BACH2: variants seen among roughly 807,000 people sequenced by gnomAD.
BACH2 encodes the protein BACH transcriptional regulator 2, also known as transcription regulator protein BACH2.
In BACH2, 5 loss-of-function variants were observed where a neutral mutation model predicts 61.8. The ratio of observed to expected loss-of-function variants is 0.08; its 90% CI spans 0.04 to 0.17. The LOEUF is 0.17. BACH2 is among the 10% of genes least tolerant of loss of function. BACH2 has a pLI of 1.00. For missense variants in BACH2, 824 were observed against 1,091.1 expected, an observed-to-expected ratio of 0.76 and a Z score of 3.45; for synonymous variants, 446 against 440.1, an observed-to-expected ratio of 1.01 and a Z score of -0.17.
chr6:90,073,884 T>C (rs1450400161), intron 5 of BACH2, among the ~76,000 whole-genome samples: 1 of 152,160 alleles, frequency 6.6e-6, no homozygotes, highest in Admixed American at 6.5e-5. Flanking sequence ...TGAATCTAAG[T>C]GATTTAAAGG....
chr6:90,197,646 C>T (rs891022295), intron 4 of BACH2, among the ~76,000 whole-genome samples: 29 of 152,080 alleles, frequency 1.9e-4, no homozygotes, highest in Non-Finnish European at 1.5e-5. Flanking sequence ...TTTGAGTATC[C>T]AAAGGGCCTC....
chr6:89,981,187 A>G (rs915830982), intron 6 of BACH2, among the ~76,000 whole-genome samples: 2 of 150,618 alleles, frequency 1.3e-5, no homozygotes, highest in African/African-American at 4.9e-5. Context: ...GCTGGAGTGC[A>G]GTGGCGTGAT....
At chr6:90,126,377 GCTCT>G (rs1783851119) in intron 4 of BACH2, among the ~76,000 whole-genome samples, 1 of 152,210 alleles carries the variant, frequency 6.6e-6, no homozygotes, top group Non-Finnish European at 1.5e-5. Flanking sequence ...TGTCAACAAT[GCTCT>G]CAGTGCTACT....
In BACH2 at chr6:89,950,483, A is replaced by G; in HGVS notation, c.1623T>C (p.Pro541=). ...DGSGGSPCSL[P]LCEFSSSPCS... is the part of the protein sequence containing the mutation. ...AGGGCGAGGAGGAGAACTCACAGAG[A>G]GGGAGGCTGCAGGGTGAGCCCCCGC... is the stretch of plus-strand genomic sequence containing the variant. Residue 541 remains proline (P), a synonymous_variant, in exon 7 of 9, where the codon CCT becomes CCC. Transcript: ENST00000257749. The surrounding 1 kb of genome is among the most constrained non-coding windows in gnomAD (Gnocchi z 5.3). 1 of 1,614,096 alleles carries G rather than the reference A, an allele frequency of 6.2e-7. No individual in the cohort carries two copies. Among genetic ancestry groups the G allele is most frequent in the South Asian group, 1.1e-5 (1 of 91,080 alleles).
At chr6:90,221,573 CTTAAGA>C (rs1769735508) in intron 3 of BACH2, among the ~76,000 whole-genome samples, 1 of 152,144 alleles carries the variant, frequency 6.6e-6, no homozygotes, top group Non-Finnish European at 1.5e-5. Flanking sequence ...GAGGAGTCTA[CTTAAGA>C]CGACACCTAA....
intron 1 of BACH2, among the ~76,000 whole-genome samples, chr6:90,286,379 T>C (rs1367201833): frequency 6.6e-6 from 1 of 152,224 alleles, no homozygotes; most frequent in African/African-American, 2.4e-5. Flanking sequence ...CATTCATCTA[T>C]GTTCTCTCGT....
At chr6:89,972,512 T>C (rs965919458) in intron 6 of BACH2, among the ~76,000 whole-genome samples, 3 of 152,146 alleles carry the variant, frequency 2.0e-5, no homozygotes, top group Non-Finnish European at 4.4e-5. Flanking sequence ...CAAGGTATCT[T>C]TGGAAGCTAT....
chr6:90,261,381 A>T (rs1771151737), intron 2 of BACH2, among the ~76,000 whole-genome samples: 1 of 152,106 alleles, frequency 6.6e-6, no homozygotes, highest in African/African-American at 2.4e-5. Context: ...AAAGAATATT[A>T]AAAAAATGTT....
At chr6:90,072,886 T>TA (rs964379582) in intron 5 of BACH2, among the ~76,000 whole-genome samples, 11 of 151,946 alleles carry the variant, frequency 7.2e-5, no homozygotes, top group African/African-American at 2.2e-4. Context: ...CTTGTCCTTC[T>TA]AAAAAAAACC....
At chr6:90,180,982 C>T (rs1477589554) in intron 4 of BACH2, among the ~76,000 whole-genome samples, 1 of 152,152 alleles carries the variant, frequency 6.6e-6, no homozygotes, top group African/African-American at 2.4e-5. Context: ...AATAAACATA[C>T]ACCTGCAGGT....
At chr6:89,989,944 GGAAGA>G (rs1776453686) in intron 6 of BACH2, among the ~76,000 whole-genome samples, 1 of 152,120 alleles carries the variant, frequency 6.6e-6, no homozygotes, top group Non-Finnish European at 1.5e-5. Flanking sequence ...GGGCATAGAA[GGAAGA>G]GAAATTTGGC....
intron 5 of BACH2, among the ~76,000 whole-genome samples, chr6:90,052,082 G>A (rs566451607): frequency 1.3e-5 from 2 of 152,252 alleles, no homozygotes; most frequent in East Asian, 3.9e-4. Context: ...TTGGAAATCT[G>A]TTGAGACTTG....
chr6:89,951,679 A>G lies in BACH2; in HGVS notation c.427T>C (p.Cys143Arg), dbSNP rs770539643. The change falls in exon 7 of 9, where the codon TGC becomes CGC. Residue 143 changes from cysteine to arginine, a missense_variant. Cys to Arg is a radical substitution (Grantham distance 180). Around this residue, in one of 8 missense-constraint regions of BACH2, gnomAD observed 107 missense variants for 121.7 expected, o/e 0.88. Transcript: ENST00000257749. This position sits in a 1 kb window ranked among gnomAD's most constrained non-coding sequence, Gnocchi z 6.4. ...LLNSEDGLFV[C>R]RKDAACQRPH... ...CGCTGGCACGCAGCATCCTTCCGGC[A>G]CACAAACAGGCCATCCTCACTGTTC... 6.2e-7 allele frequency: 1 copy of G among 1,614,188 alleles called. No homozygotes were observed. Among genetic ancestry groups the G allele is most frequent in the Non-Finnish European group, 8.5e-7 (1 of 1,180,034 alleles).
chr6:90,113,025 T>C (rs1783241546), intron 4 of BACH2, among the ~76,000 whole-genome samples: 4 of 152,170 alleles, frequency 2.6e-5, no homozygotes, highest in Admixed American at 2.0e-4. Context: ...TACATAATGG[T>C]AAAATGTTCA....
intron 4 of BACH2, among the ~76,000 whole-genome samples, chr6:90,148,249 C>T (rs1390165847): frequency 6.6e-6 from 1 of 152,106 alleles, no homozygotes; most frequent in Non-Finnish European, 1.5e-5. Context: ...ATTTTTTTCT[C>T]TCCCGTACCC....
chr6:90,209,003 T>C (rs746791706), intron 3 of BACH2, among the ~76,000 whole-genome samples: 2 of 129,814 alleles, frequency 1.5e-5, no homozygotes, highest in Non-Finnish European at 3.0e-5. Flanking sequence ...AGTTGAACAA[T>C]GAGAACATAT....
intron 5 of BACH2, among the ~76,000 whole-genome samples, chr6:90,054,373 C>A (rs1780212158): frequency 6.6e-6 from 1 of 152,226 alleles, no homozygotes; most frequent in Non-Finnish European, 1.5e-5. Context: ...TCACCGCTAG[C>A]ACAGCAGTCT....
chr6:90,174,485 A>AT (rs1767923655), intron 4 of BACH2, among the ~76,000 whole-genome samples: 1 of 152,198 alleles, frequency 6.6e-6, no homozygotes, highest in East Asian at 1.9e-4. Context: ...ATCTATCACT[A>AT]TTTTAATTTA....
intron 7 of BACH2, among the ~76,000 whole-genome samples, chr6:89,941,815 A>G (rs1168028642): frequency 6.6e-6 from 1 of 152,184 alleles, no homozygotes; most frequent in Non-Finnish European, 1.5e-5. Context: ...AGATATCCCT[A>G]TAGTTCAGGC....
Sources: allele counts gnomAD v4.1 joint callset (sites outside exome capture counted in the v4.1 genomes callset), GRCh38; gene constraint gnomAD v4.1.1; regional missense constraint gnomAD v4.1.1; non-coding constraint Gnocchi (gnomAD v3.1); transcripts MANE v1.5; gene names NCBI Gene and HGNC (gene_info 2026-07-23, HGNC 2026-07-21).